Variants in CELF4 observed in about 807,000 individuals in gnomAD.
CELF4 encodes the protein CUG-BP- and ETR-3-like factor 4.
CELF4 carries 18 observed loss-of-function variants against 59.9 expected under a neutral mutation model. The ratio of observed to expected loss-of-function variants is 0.30; its 90% CI spans 0.21 to 0.45. The LOEUF (loss-of-function observed/expected upper bound fraction) is 0.45, where lower values mean the gene tolerates loss of function less well. Among genes scored for constraint, CELF4 ranks in the 20% least tolerant of loss-of-function variants. The pLI is 1.00. For synonymous variants in CELF4, 261 were observed against 267.1 expected, an observed-to-expected ratio of 0.98 and a Z score of 0.22; for missense variants, 456 against 689.0, an observed-to-expected ratio of 0.66 and a Z score of 3.79.
chr18:37,349,109 C>G (rs2098377922), intron 2 of CELF4, among the ~76,000 whole-genome samples: 1 of 152,194 alleles, frequency 6.6e-6, no homozygotes. Context: ...AGGGATGAAG[C>G]AGGGGGAGGT....
intron 1 of CELF4, among the ~76,000 whole-genome samples, chr18:37,532,720 A>C (rs2099970547): frequency 6.6e-6 from 1 of 152,212 alleles, no homozygotes; most frequent in African/African-American, 2.4e-5. Context: ...ACAGCCCCGT[A>C]TTCAACATAT....
chr18:37,390,811 G>C lies in CELF4; in HGVS notation c.370-68930C>G, dbSNP rs965790105. Among the ~76,000 whole-genome samples the C allele has an allele frequency of 3.2e-4, 44 of 137,638 alleles. 1 individual carries two copies. Among genetic ancestry groups the C allele is most frequent in the Non-Finnish European group, 6.3e-4 (40 of 63,526 alleles). The allele number at this position is 137,638 out of a possible 152,430, so 90.3% of individuals were successfully genotyped here. A position where few individuals can be genotyped will look rare whatever the true frequency, so the allele number is the denominator to read the frequency against. Reference sequence around the variant, plus strand: ...GGTGGTGGTGATGGGGCGGGGAGGGGGGGCAGTGCTGCTGGCCGGCACAGC... The same window carrying C: ...GGTGGTGGTGATGGGGCGGGGAGGGCGGGCAGTGCTGCTGGCCGGCACAGC... On this transcript the variant is annotated intron_variant, in intron 2 of 12. Coordinates refer to ENST00000420428, the MANE Select transcript of CELF4 (RefSeq NM_020180.4).
intron 3 of CELF4, among the ~76,000 whole-genome samples, chr18:37,312,131 G>C: frequency 2.7e-5 from 3 of 113,084 alleles, no homozygotes; most frequent in East Asian, 2.7e-4. Flanking sequence ...AAAAAAAAAA[G>C]AAAAAAAAAA....
chr18:37,322,227 G>A (rs1569562244), intron 2 of CELF4, among the ~76,000 whole-genome samples: 1 of 152,186 alleles, frequency 6.6e-6, no homozygotes. Context: ...AGGCCTTTGT[G>A]TCACCAAAGC....
chr18:37,254,915 T>C lies in CELF4; in HGVS notation c.1334-977A>G, dbSNP rs953906529. On this transcript the variant is annotated intron_variant, in intron 11 of 12. Coordinates refer to ENST00000420428, the MANE Select transcript of CELF4 (RefSeq NM_020180.4). This position sits in a 1 kb window ranked among gnomAD's most constrained non-coding sequence, Gnocchi z 5.1. ...TTCCCAAACTGGCCCTAATAGGTGC[T>C]CCTCGAGAAAGGGCTTGTGTGGTCA... 6.6e-6 allele frequency among the ~76,000 whole-genome samples: 1 copy of C among 152,208 alleles called. No individual in the cohort carries two copies. The highest frequency in any genetic ancestry group is 1.5e-5 in the Non-Finnish European group (1 of 68,036).
At chr18:37,264,380 G>T (rs1423618255) in intron 10 of CELF4, among the ~76,000 whole-genome samples, 1 of 152,262 alleles carries the variant, frequency 6.6e-6, no homozygotes, top group Non-Finnish European at 1.5e-5. Context: ...ATTGAGGGGA[G>T]TAGGAAAGGT....
At chr18:37,334,656 C>G (rs964195811) in intron 2 of CELF4, among the ~76,000 whole-genome samples, 1 of 152,096 alleles carries the variant, frequency 6.6e-6, no homozygotes, top group Non-Finnish European at 1.5e-5. Flanking sequence ...ACTGTGGACT[C>G]TGTTTCTAAG....
chr18:37,391,623 C>T (rs2099162792), intron 2 of CELF4, among the ~76,000 whole-genome samples: 2 of 152,210 alleles, frequency 1.3e-5, no homozygotes, highest in Non-Finnish European at 2.9e-5. Context: ...TCTTGATGTC[C>T]TGACCCATGG....
At chr18:37,368,468 G>A (rs555227737) in intron 2 of CELF4, among the ~76,000 whole-genome samples, 4 of 152,196 alleles carry the variant, frequency 2.6e-5, no homozygotes, top group African/African-American at 4.8e-5. Context: ...TCTCCCTCCC[G>A]CTTGGTTCCT....
At chr18:37,559,074 A>T (rs1329060656) in intron 1 of CELF4, among the ~76,000 whole-genome samples, 2 of 152,070 alleles carry the variant, frequency 1.3e-5, no homozygotes, top group African/African-American at 4.8e-5. Context: ...TATCAGGCAG[A>T]TAAAACAAAA....
chr18:37,330,330 A>G (rs1334351640), intron 2 of CELF4, among the ~76,000 whole-genome samples: 2 of 152,116 alleles, frequency 1.3e-5, no homozygotes, highest in Non-Finnish European at 2.9e-5. Context: ...CTGTGGGAGG[A>G]AAGAATGAAC....
At chr18:37,308,388 C>T (rs1342977362) in intron 3 of CELF4, among the ~76,000 whole-genome samples, 3 of 152,224 alleles carry the variant, frequency 2.0e-5, no homozygotes, top group African/African-American at 7.2e-5. Flanking sequence ...AGCAGCTTTT[C>T]AGCCTGGAAC....
intron 2 of CELF4, among the ~76,000 whole-genome samples, chr18:37,399,151 A>G (rs1418871726): frequency 6.6e-6 from 1 of 151,880 alleles, no homozygotes; most frequent in East Asian, 1.9e-4. Context: ...TGTGGTTTGA[A>G]TGTTTGTCCC....
chr18:37,449,888 A>G (rs1462960359), intron 2 of CELF4, among the ~76,000 whole-genome samples: 1 of 152,168 alleles, frequency 6.6e-6, no homozygotes, highest in African/African-American at 2.4e-5. Flanking sequence ...GGCTCTGGCT[A>G]CCACCCCCTG....
At chr18:37,333,760 GCATCCATCCATCCCTCCATCCATGCATC>G (rs2097656206) in intron 2 of CELF4, among the ~76,000 whole-genome samples, 14 of 144,634 alleles carry the variant, frequency 9.7e-5, no homozygotes, top group African/African-American at 2.8e-4. Flanking sequence ...ATCCATCCGT[GCATCCATCCATCCCTCCATCCATGCATC>G]CATCCATCCA....
Position 37,273,621 on chromosome 18 carries a change from CT to C in CELF4, c.802-459del, listed in dbSNP as rs1390559140. 4.0e-6 allele frequency: 4 copies of C among 989,746 alleles called. No homozygotes were observed. In the African/African-American group the frequency reaches 5.2e-5, roughly 13 times the overall value. The allele number at this position is 989,746 out of a possible 1,614,324, so 61.3% of individuals were successfully genotyped here. A position where few individuals can be genotyped will look rare whatever the true frequency, so the allele number is the denominator to read the frequency against. ...ATTATGAATAGAACCCCAGGCACCCCTAGTGTTGTCACAAAGGTGAGTGCGG... is the reference window on the plus strand; with the variant it reads ...ATTATGAATAGAACCCCAGGCACCCCAGTGTTGTCACAAAGGTGAGTGCGG... On this transcript the variant is annotated intron_variant, in intron 6 of 12. Transcript: ENST00000420428.
rs768273581 is a variant in CELF4 at position 37,264,764 on chromosome 18, G to T, written c.1166-7C>A. 1.9e-5 allele frequency: 30 copies of T among 1,565,914 alleles called. No homozygotes were observed. Among genetic ancestry groups the T allele is most frequent in the Middle Eastern group, 3.3e-4 (2 of 6,028 alleles). On this transcript the variant is annotated splice_polypyrimidine_tract_variant and splice_region_variant and intron_variant, in intron 9 of 12. Transcript: ENST00000420428. ...GCAGCAGGGTAGGCAGCTGCTGGAG[G>T]CCCAAGACAAGAAGCAAGAGCCGGC...
intron 2 of CELF4, among the ~76,000 whole-genome samples, chr18:37,415,794 A>G (rs1402642314): frequency 6.6e-6 from 1 of 152,244 alleles, no homozygotes; most frequent in Non-Finnish European, 1.5e-5. Flanking sequence ...AAAGTAGCAC[A>G]TTTATGAATA....
intron 2 of CELF4, among the ~76,000 whole-genome samples, chr18:37,405,897 C>T (rs1380227728): frequency 6.6e-6 from 1 of 152,118 alleles, no homozygotes; most frequent in African/African-American, 2.4e-5. Context: ...CCCCCTCCAG[C>T]CGGGAGTGGA....
Sources: gnomAD v4.1 joint callset for allele counts (sites outside exome capture counted in the v4.1 genomes callset) on GRCh38, gnomAD v4.1.1 for gene constraint, Gnocchi (gnomAD v3.1) non-coding constraint, MANE v1.5 for transcripts, NCBI Gene and HGNC (gene_info 2026-07-23, HGNC 2026-07-21) for gene names.